DPYD: variants seen among roughly 807,000 people sequenced by gnomAD.
The protein encoded by DPYD is dihydropyrimidine dehydrogenase.
A neutral mutation model predicts 116.2 loss-of-function variants in DPYD; 109 were observed. That is an observed-to-expected ratio of 0.94 (90% CI 0.80 to 1.10). The LOEUF is 1.10. DPYD is among the 50% of genes least tolerant of loss of function. The pLI, the probability that DPYD is intolerant of heterozygous loss-of-function variation, is 0.00. For missense variants in DPYD, 1,302 were observed against 1,254.5 expected (o/e 1.04, Z -0.57); for synonymous variants, 440 against 432.0 (o/e 1.02, Z -0.23).
intron 3 of DPYD, among the ~76,000 whole-genome samples, chr1:97,782,014 T>A (rs1357704646): frequency 6.6e-6 from 1 of 152,170 alleles, no homozygotes; most frequent in Non-Finnish European, 1.5e-5. Flanking sequence ...CTCATTCCAA[T>A]CCTTTATTCT....
chr1:97,134,424 C>T (rs896409460), intron 20 of DPYD, among the ~76,000 whole-genome samples: 6 of 151,970 alleles, frequency 3.9e-5, no homozygotes, highest in Admixed American at 2.0e-4. Flanking sequence ...GGTCTGCTAC[C>T]GACAGGCTGG....
chr1:97,217,449 T>C (rs895648448), intron 19 of DPYD, among the ~76,000 whole-genome samples: 5 of 152,192 alleles, frequency 3.3e-5, no homozygotes, highest in African/African-American at 1.2e-4. Flanking sequence ...ATTGATTTTC[T>C]GTATTTCTAA....
intron 4 of DPYD, among the ~76,000 whole-genome samples, chr1:97,731,160 T>C (rs1215928149): frequency 6.6e-6 from 1 of 152,144 alleles, no homozygotes; most frequent in Non-Finnish European, 1.5e-5. Flanking sequence ...TCACACCATT[T>C]GTTCTATACA....
chr1:97,412,323 C>T (rs1339253678), intron 14 of DPYD, among the ~76,000 whole-genome samples: 1 of 152,150 alleles, frequency 6.6e-6, no homozygotes, highest in Non-Finnish European at 1.5e-5. Context: ...ATTGTTCATA[C>T]TTTCCAGCTT....
At chr1:97,336,594 C>G (rs990467378) in intron 16 of DPYD, among the ~76,000 whole-genome samples, 2 of 152,034 alleles carry the variant, frequency 1.3e-5, no homozygotes, top group African/African-American at 4.8e-5. Context: ...ACTAAAAATA[C>G]AAAAAATTAG....
At chr1:97,102,319 A>G (rs1650752694) in intron 20 of DPYD, among the ~76,000 whole-genome samples, 1 of 149,308 alleles carries the variant, frequency 6.7e-6, no homozygotes, top group Admixed American at 6.8e-5. Context: ...AAGACAAGTA[A>G]TTACTTTGAT....
At chr1:97,578,138 G>A (rs1395538294) in intron 10 of DPYD, among the ~76,000 whole-genome samples, 1 of 151,996 alleles carries the variant, frequency 6.6e-6, no homozygotes, top group East Asian at 1.9e-4. Flanking sequence ...AAGACACCAC[G>A]CCCAGCCATA....
At chr1:97,580,864 T>C (rs1303441874) in intron 10 of DPYD, among the ~76,000 whole-genome samples, 1 of 152,188 alleles carries the variant, frequency 6.6e-6, no homozygotes, top group Non-Finnish European at 1.5e-5. Flanking sequence ...AGTAATATTT[T>C]ATCTACTAAC....
chr1:97,861,749 G>A (rs941596542), intron 2 of DPYD, among the ~76,000 whole-genome samples: 12 of 151,948 alleles, frequency 7.9e-5, no homozygotes, highest in East Asian at 7.8e-4. Flanking sequence ...ACACCCCAAC[G>A]TGAACCAAAA....
At chr1:97,743,786 C>T (rs981414164) in intron 3 of DPYD, among the ~76,000 whole-genome samples, 5 of 152,170 alleles carry the variant, frequency 3.3e-5, no homozygotes, top group Non-Finnish European at 7.4e-5. Context: ...TTAAAAGTAA[C>T]ATTTAAATTA....
intron 16 of DPYD, chr1:97,323,099 T>C (rs932722289): frequency 8.6e-5 from 13 of 150,812 alleles, no homozygotes; most frequent in Admixed American, 2.0e-4. Context: ...TTTTTTACTA[T>C]TTTTTATATA....
intron 8 of DPYD, among the ~76,000 whole-genome samples, chr1:97,651,538 A>C (rs370685462): frequency 4.1e-4 from 62 of 152,120 alleles, no homozygotes; most frequent in African/African-American, 1.4e-3. Context: ...ATCAGTGCCC[A>C]GTGTTAAACA....
At chr1:97,702,806 T>A (rs1259338645) in intron 5 of DPYD, among the ~76,000 whole-genome samples, 1 of 151,966 alleles carries the variant, frequency 6.6e-6, no homozygotes, top group East Asian at 1.9e-4. Flanking sequence ...TCACCTAAAA[T>A]ATTTTAATAT....
intron 18 of DPYD, among the ~76,000 whole-genome samples, chr1:97,294,097 CT>C (rs1666378495): frequency 6.6e-6 from 1 of 152,118 alleles, no homozygotes; most frequent in South Asian, 2.1e-4. Flanking sequence ...ACGGCTCTTG[CT>C]TTTAAGATGT....
chr1:97,123,974 T>C (rs1302196417), intron 20 of DPYD, among the ~76,000 whole-genome samples: 1 of 152,172 alleles, frequency 6.6e-6, no homozygotes, highest in Non-Finnish European at 1.5e-5. Context: ...GGTCTGCCAT[T>C]GTGAAGTTCT....
intron 13 of DPYD, among the ~76,000 whole-genome samples, chr1:97,465,616 G>A (rs144406595): frequency 6.8e-4 from 104 of 152,246 alleles, no homozygotes; most frequent in Non-Finnish European, 1.2e-3. Flanking sequence ...TTCTTTGCCT[G>A]CTGTCATCCA....
intron 16 of DPYD, among the ~76,000 whole-genome samples, chr1:97,354,294 T>C (rs1558050171): frequency 1.3e-5 from 2 of 152,184 alleles, no homozygotes; most frequent in South Asian, 4.1e-4. Flanking sequence ...CTTTCTGTCC[T>C]CTCATCCTTG....
chr1:97,724,298 GGGGGGGGGGGTGTGTGTGTGTGTGTGTGT>G (rs1309606548), intron 4 of DPYD, among the ~76,000 whole-genome samples: 198 of 18,712 alleles, frequency 0.011, 2 homozygotes, highest in Admixed American at 0.029. Flanking sequence ...GTATGTGGGG[GGGGGGGGGGGTGTGTGTGTGTGTGTGTGT>G]GTGTGTGTGT....
chr1:97,604,938 C>T (rs1380198142), intron 8 of DPYD, among the ~76,000 whole-genome samples: 1 of 152,006 alleles, frequency 6.6e-6, no homozygotes, highest in Non-Finnish European at 1.5e-5. Flanking sequence ...TTATTGTGTA[C>T]AGAGGGCTCA....
Sources: allele counts gnomAD v4.1 joint callset (sites outside exome capture counted in the v4.1 genomes callset), GRCh38; gene constraint gnomAD v4.1.1; transcripts MANE v1.5; gene names NCBI Gene and HGNC (gene_info 2026-07-23, HGNC 2026-07-21).